Variants in KCNQ5 observed in about 807,000 individuals in gnomAD.
KCNQ5 encodes the protein potassium voltage-gated channel subfamily Q member 5.
Under a neutral mutation model 98.2 loss-of-function variants are expected in KCNQ5, and 30 were observed. The observed-to-expected ratio is 0.31, with a 90% CI of 0.23 to 0.41. KCNQ5 has a LOEUF of 0.41. KCNQ5 is among the 10% of genes least tolerant of loss of function. The pLI, the probability that KCNQ5 is intolerant of heterozygous loss-of-function variation, is 1.00. For synonymous variants in KCNQ5, 458 were observed against 449.4 expected (o/e 1.02, Z -0.24); for missense variants, 835 against 1,182.5 (o/e 0.71, Z 4.31).
At chr6:73,168,748 C>G (rs1777898972) in intron 10 of KCNQ5, among the ~76,000 whole-genome samples, 1 of 152,062 alleles carries the variant, frequency 6.6e-6, no homozygotes. Flanking sequence ...CATAACTCCT[C>G]TTTCATGAGA....
At chr6:72,849,680 A>T (rs1777166027) in intron 1 of KCNQ5, among the ~76,000 whole-genome samples, 1 of 152,178 alleles carries the variant, frequency 6.6e-6, no homozygotes, top group South Asian at 2.1e-4. Context: ...AACTTAAACA[A>T]TGTATCAATG....
At chr6:72,796,829 A>G (rs1278969006) in intron 1 of KCNQ5, among the ~76,000 whole-genome samples, 2 of 152,242 alleles carry the variant, frequency 1.3e-5, no homozygotes, top group African/African-American at 2.4e-5. Flanking sequence ...AAAAATTCCA[A>G]AGGTCAAAAT....
intron 1 of KCNQ5, among the ~76,000 whole-genome samples, chr6:72,761,170 A>G (rs1156563833): frequency 6.6e-6 from 1 of 152,156 alleles, no homozygotes; most frequent in Non-Finnish European, 1.5e-5. Context: ...TTAAAATTTC[A>G]AAAAATATTA....
chr6:73,157,649 G>A, intron 10 of KCNQ5: 1 of 775,418 alleles, frequency 1.3e-6, no homozygotes, highest in Non-Finnish European at 2.4e-6. Flanking sequence ...GATGGCTGGG[G>A]TCAGCTCTGT....
At chr6:72,626,742 C>T (rs529687279) in intron 1 of KCNQ5, among the ~76,000 whole-genome samples, 1 of 152,186 alleles carries the variant, frequency 6.6e-6, no homozygotes, top group African/African-American at 2.4e-5. Context: ...TGTTGACTAT[C>T]GACTATATGC....
At position 73,115,789 on chromosome 6, in the gene KCNQ5, A is replaced by G. The variant is rs1024180966; in HGVS notation, c.1125+4386A>G. ...TTGTAAATAGAACTTCTCTTCCACA[A>G]CAAGGGGATAAGCCAAGAGAGAAAG... On this transcript the variant is annotated intron_variant, in intron 7 of 13. Transcript: ENST00000370398. Among the ~76,000 whole-genome samples, 3 of 152,194 alleles carry G rather than the reference A, an allele frequency of 2.0e-5. No individual in the cohort carries two copies. In the East Asian group the frequency reaches 5.8e-4, roughly 29 times the overall value.
At chr6:72,639,114 T>C (rs2098925802) in intron 1 of KCNQ5, among the ~76,000 whole-genome samples, 2 of 152,112 alleles carry the variant, frequency 1.3e-5, no homozygotes, top group Admixed American at 6.5e-5. Flanking sequence ...TGTAGAGTGA[T>C]GGAGAAGAAA....
At chr6:72,630,782 G>A (rs894453114) in intron 1 of KCNQ5, among the ~76,000 whole-genome samples, 3 of 152,302 alleles carry the variant, frequency 2.0e-5, no homozygotes, top group South Asian at 4.2e-4. Context: ...CTGGAAGGCT[G>A]TATTTATATG....
chr6:72,686,639 T>G (rs1767963366), intron 1 of KCNQ5, among the ~76,000 whole-genome samples: 1 of 151,994 alleles, frequency 6.6e-6, no homozygotes, highest in African/African-American at 2.4e-5. Flanking sequence ...TTTTAAAAAT[T>G]TGTCTTCTAT....
At position 73,197,580 on chromosome 6, in the gene KCNQ5, TACACACACACACACACACACACAC is replaced by T. The variant is rs545254868; in HGVS notation, c.*2205_*2228del. 7.4e-4 allele frequency: 78 copies of T among 105,494 alleles called. No individual in the cohort carries two copies. Among genetic ancestry groups the T allele is most frequent in the African/African-American group, 2.1e-3 (61 of 28,828 alleles). The allele number at this position is 105,494 out of a possible 1,614,324, so 6.5% of individuals were successfully genotyped here. On this transcript the variant is annotated 3_prime_UTR_variant, in exon 14 of 14. Transcript: ENST00000370398. ...GATTCCCCCTTGCAAGAATGTTGCA[TACACACACACACACACACACACAC>T]ACACACACACACACACACACACACA...
intron 1 of KCNQ5, among the ~76,000 whole-genome samples, chr6:72,952,861 A>C (rs1766871633): frequency 6.6e-6 from 1 of 152,166 alleles, no homozygotes; most frequent in African/African-American, 2.4e-5. Flanking sequence ...TTTTTGCTAT[A>C]ATTACCTCAA....
At position 72,701,259 on chromosome 6, in the gene KCNQ5, T is replaced by C. The variant is rs78973338; in HGVS notation, c.398+78672T>C. On this transcript the variant is annotated intron_variant, in intron 1 of 13. Transcript: ENST00000370398. ...AAAACAATCAGCCAAATTGTTTTAC[T>C]GTAGTTGTGCAGCAGTTAACTGAAA... Among the ~76,000 whole-genome samples, 199 of 152,344 alleles carry C rather than the reference T, an allele frequency of 1.3e-3. 11 individuals carry two copies. In the East Asian group the frequency reaches 0.035, roughly 27 times the overall value.
intron 5 of KCNQ5, among the ~76,000 whole-genome samples, chr6:73,080,634 C>A (rs902815641): frequency 6.6e-6 from 1 of 151,980 alleles, no homozygotes; most frequent in Non-Finnish European, 1.5e-5. Context: ...GCATGTTGCA[C>A]CTAATGGAAA....
At chr6:73,081,918 ACG>A (rs990101876) in intron 5 of KCNQ5, among the ~76,000 whole-genome samples, 6 of 152,194 alleles carry the variant, frequency 3.9e-5, no homozygotes, top group Non-Finnish European at 7.3e-5. Flanking sequence ...TGCTAAACAC[ACG>A]AAGGTGCCCC....
intron 1 of KCNQ5, among the ~76,000 whole-genome samples, chr6:72,712,414 A>G (rs1247762011): frequency 6.6e-6 from 1 of 152,226 alleles, no homozygotes; most frequent in Non-Finnish European, 1.5e-5. Flanking sequence ...ATGAATGAAC[A>G]CTTCCGAATC....
chr6:72,916,191 C>A (rs988564259), intron 1 of KCNQ5, among the ~76,000 whole-genome samples: 25 of 152,282 alleles, frequency 1.6e-4, no homozygotes, highest in Admixed American at 9.8e-4. Context: ...GTAGCAATTT[C>A]TCATTTTATG....
chr6:73,158,337 G>A (rs1250986299), intron 10 of KCNQ5, among the ~76,000 whole-genome samples: 1 of 150,110 alleles, frequency 6.7e-6, no homozygotes, highest in South Asian at 2.1e-4. Flanking sequence ...GCGCGATCTC[G>A]GCTCACGCAA....
chr6:72,957,933 A>T (rs1767165681), intron 1 of KCNQ5, among the ~76,000 whole-genome samples: 2 of 152,128 alleles, frequency 1.3e-5, no homozygotes, highest in African/African-American at 4.8e-5. Flanking sequence ...AAGTCTTACA[A>T]ATTATAAAAA....
chr6:72,692,111 A>G (rs774917658), intron 1 of KCNQ5, among the ~76,000 whole-genome samples: 5 of 152,202 alleles, frequency 3.3e-5, no homozygotes, highest in African/African-American at 9.7e-5. Flanking sequence ...TAAAAACTTC[A>G]TTGTATCCTA....
Sources: gnomAD v4.1 joint callset for allele counts (sites outside exome capture counted in the v4.1 genomes callset) on GRCh38, gnomAD v4.1.1 for gene constraint, MANE v1.5 for transcripts, NCBI Gene and HGNC (gene_info 2026-07-23, HGNC 2026-07-21) for gene names.